Variants in RPS6KC1 observed in about 807,000 individuals in gnomAD.
The protein encoded by RPS6KC1 is inactive ribosomal protein S6 kinase delta-1.
In RPS6KC1, 54 loss-of-function variants were observed where a neutral mutation model predicts 103.8. That is an observed-to-expected ratio of 0.52 (90% CI 0.42 to 0.65). The LOEUF (loss-of-function observed/expected upper bound fraction) is 0.65. Ranked by LOEUF, RPS6KC1 falls within the 30% of genes least tolerant of loss-of-function variation. The pLI is 0.00. For missense variants in RPS6KC1, 1,151 were observed against 1,253.8 expected (o/e 0.92, Z 1.24); for synonymous variants, 439 against 438.7 (o/e 1.00, Z -0.01).
the RPS6KC1 span, among the ~76,000 whole-genome samples, chr1:213,319,492 G>C: frequency 6.6e-6 from 1 of 152,154 alleles, no homozygotes; most frequent in Non-Finnish European, 1.5e-5. Context: ...TCAGCTCTCA[G>C]TTCATAATAG....
chr1:213,602,704 G>A, the RPS6KC1 span, among the ~76,000 whole-genome samples: 50 of 152,262 alleles, frequency 3.3e-4, 1 homozygote, highest in African/African-American at 1.2e-3. Context: ...CAAAGTTAAG[G>A]TCTTTGGGAA....
At chr1:213,275,874 C>G (rs2095111564), downstream of RPS6KC1, among the ~76,000 whole-genome samples, 1 of 152,212 alleles carries the variant, frequency 6.6e-6, no homozygotes, top group African/African-American at 2.4e-5. Context: ...TTACCTCATT[C>G]TCCCCTGGCC....
the RPS6KC1 span, among the ~76,000 whole-genome samples, chr1:213,485,656 A>T: frequency 6.6e-6 from 1 of 152,188 alleles, no homozygotes. Flanking sequence ...TGCTGTGAGG[A>T]GACAGACTTG....
At chr1:213,836,380 C>T in the RPS6KC1 span, among the ~76,000 whole-genome samples, 2 of 152,022 alleles carry the variant, frequency 1.3e-5, no homozygotes, top group Non-Finnish European at 2.9e-5. Flanking sequence ...GGAAGAATAT[C>T]TATGTGAAAA....
At chr1:213,646,028 T>C in the RPS6KC1 span, among the ~76,000 whole-genome samples, 1 of 151,922 alleles carries the variant, frequency 6.6e-6, no homozygotes. Flanking sequence ...GCAGCTGAAG[T>C]TTTTTAAAAA....
chr1:213,712,361 C>G, the RPS6KC1 span, among the ~76,000 whole-genome samples: 68,245 of 150,106 alleles, frequency 0.45, 18,233 homozygotes, highest in East Asian at 0.66. Context: ...AGATGCCCCT[C>G]CCCTCACCAA....
chr1:213,622,960 C>T, the RPS6KC1 span, among the ~76,000 whole-genome samples: 1 of 152,176 alleles, frequency 6.6e-6, no homozygotes, highest in Non-Finnish European at 1.5e-5. Flanking sequence ...GGCCAGACAG[C>T]AGCTCAGCCT....
At chr1:213,788,152 G>A in the RPS6KC1 span, among the ~76,000 whole-genome samples, 1 of 152,066 alleles carries the variant, frequency 6.6e-6, no homozygotes, top group African/African-American at 2.4e-5. Context: ...GCACATTGGG[G>A]GTCATGAAGA....
the RPS6KC1 span, among the ~76,000 whole-genome samples, chr1:213,784,958 G>C: frequency 2.0e-5 from 3 of 152,036 alleles, no homozygotes; most frequent in Admixed American, 2.0e-4. Context: ...GCTGATCCCT[G>C]GCAAACTTTT....
chr1:213,620,221 G>T, the RPS6KC1 span, among the ~76,000 whole-genome samples: 1 of 152,202 alleles, frequency 6.6e-6, no homozygotes, highest in African/African-American at 2.4e-5. Context: ...CGATATTATG[G>T]GTCAGAAATT....
the RPS6KC1 span, among the ~76,000 whole-genome samples, chr1:213,474,201 G>T: frequency 6.6e-6 from 1 of 152,072 alleles, no homozygotes; most frequent in Non-Finnish European, 1.5e-5. Context: ...TGCTCCTATC[G>T]GTCTGCCTGG....
intron 3 of RPS6KC1, among the ~76,000 whole-genome samples, chr1:213,084,544 G>A (rs1194624157): frequency 6.6e-6 from 1 of 152,110 alleles, no homozygotes; most frequent in Non-Finnish European, 1.5e-5. Context: ...CATCAATGGA[G>A]TTCAGTTATC....
At chr1:213,688,387 T>C in the RPS6KC1 span, among the ~76,000 whole-genome samples, 1 of 152,180 alleles carries the variant, frequency 6.6e-6, no homozygotes, top group African/African-American at 2.4e-5. Context: ...TTCCTCAGTC[T>C]CCACCCTCCT....
chr1:213,835,404 C>T, the RPS6KC1 span, among the ~76,000 whole-genome samples: 2 of 152,150 alleles, frequency 1.3e-5, no homozygotes, highest in Admixed American at 6.5e-5. Flanking sequence ...GCATCATCTG[C>T]TTTATGTTTT....
chr1:213,562,093 T>C, the RPS6KC1 span, among the ~76,000 whole-genome samples: 1 of 152,204 alleles, frequency 6.6e-6, no homozygotes, highest in Non-Finnish European at 1.5e-5. Flanking sequence ...TGTCAATTAG[T>C]TGGATGAAGA....
intron 1 of RPS6KC1, among the ~76,000 whole-genome samples, chr1:213,057,105 A>T (rs2077394557): frequency 6.6e-6 from 1 of 151,572 alleles, no homozygotes; most frequent in Non-Finnish European, 1.5e-5. Context: ...CTGCCTGACT[A>T]ATTTTTGTAT....
the RPS6KC1 span, among the ~76,000 whole-genome samples, chr1:213,646,392 G>C: frequency 2.0e-5 from 3 of 152,216 alleles, no homozygotes; most frequent in African/African-American, 4.8e-5. Context: ...ATAGAAAGTA[G>C]AGCCTGGAGG....
the RPS6KC1 span, among the ~76,000 whole-genome samples, chr1:213,715,984 A>G: frequency 6.6e-6 from 1 of 152,166 alleles, no homozygotes; most frequent in African/African-American, 2.4e-5. Context: ...TAAATTCAGC[A>G]TTTTCTAAAA....
At chr1:213,541,376 G>A in the RPS6KC1 span, among the ~76,000 whole-genome samples, 1 of 151,850 alleles carries the variant, frequency 6.6e-6, no homozygotes, top group African/African-American at 2.4e-5. Flanking sequence ...TTGCCAAAAT[G>A]AGACACAGAG....
Sources: gnomAD v4.1 joint callset for allele counts (sites outside exome capture counted in the v4.1 genomes callset) on GRCh38, gnomAD v4.1.1 for gene constraint, MANE v1.5 for transcripts, NCBI Gene and HGNC (gene_info 2026-07-23, HGNC 2026-07-21) for gene names.